The following ABCB1 variants were observed in gnomAD, a reference collection of about 807,000 sequenced individuals.
ABCB1 encodes ATP-dependent translocase ABCB1.
A neutral mutation model predicts 142.0 loss-of-function variants in ABCB1; 69 were observed. The ratio of observed to expected loss-of-function variants is 0.49; its 90% CI spans 0.40 to 0.59. The LOEUF (loss-of-function observed/expected upper bound fraction) is 0.59. Among genes scored for constraint, ABCB1 ranks in the 20% least tolerant of loss-of-function variants. ABCB1 has a pLI of 0.00. For synonymous variants in ABCB1, 532 were observed against 539.2 expected (o/e 0.99, Z 0.18); for missense variants, 1,326 against 1,554.7 (o/e 0.85, Z 2.47).
rs1202446124 is a variant in ABCB1 at position 87,595,803 on chromosome 7, T to G, written c.80A>C (p.Lys27Thr). 1.9e-6 allele frequency: 3 copies of G among 1,610,908 alleles called. No homozygotes were observed. The South Asian group carries it at 3.3e-5, about 18-fold the overall frequency. ...ACTGACAGTTGGTTTCTTTTCCTTC[T>G]TATCTTTTTCACTGCAAAACAGCAA... ...FKLNNKSEKDKKEKKPTVSVF... is the reference protein window; with the variant it reads ...FKLNNKSEKDTKEKKPTVSVF... Residue 27 changes from lysine to threonine, a missense_variant, in exon 3 of 28, where the codon AAG (lysine) becomes ACG (threonine). By Grantham distance (78) the Lys-to-Thr change is moderately conservative (BLOSUM62 -1). Coordinates refer to ENST00000622132, the MANE Select transcript of ABCB1 (RefSeq NM_001348946.2).
intron 1 of ABCB1, among the ~76,000 whole-genome samples, chr7:87,709,818 T>C (rs1829907782): frequency 6.6e-6 from 1 of 152,192 alleles, no homozygotes; most frequent in Admixed American, 6.5e-5. Context: ...TGAGTGAAAA[T>C]GAAAATAATT....
intron 3 of ABCB1, among the ~76,000 whole-genome samples, chr7:87,593,689 C>T (rs1446184725): frequency 6.6e-6 from 1 of 152,200 alleles, no homozygotes; most frequent in Non-Finnish European, 1.5e-5. Context: ...TAGGTGCCTA[C>T]ATGATCAGTT....
intron 4 of ABCB1, among the ~76,000 whole-genome samples, chr7:87,582,363 T>A (rs903013765): frequency 5.3e-5 from 8 of 152,194 alleles, no homozygotes; most frequent in African/African-American, 1.9e-4. Context: ...TTCTCTCTTT[T>A]TCCAATGCAT....
At chr7:87,706,780 G>A (rs1829631975) in intron 1 of ABCB1, among the ~76,000 whole-genome samples, 1 of 152,190 alleles carries the variant, frequency 6.6e-6, no homozygotes, top group African/African-American at 2.4e-5. Flanking sequence ...AGACAAATGT[G>A]CCTGGAGTTG....
At chr7:87,563,514 G>A (rs2129792376) in intron 7 of ABCB1, 1 of 288,082 alleles carries the variant, frequency 3.5e-6, no homozygotes, top group Admixed American at 4.0e-5. Flanking sequence ...CTCAACAGAT[G>A]TAAATCAATA....
At position 87,637,145 on chromosome 7, in the gene ABCB1, T is replaced by A. The variant is rs187448165; in HGVS notation, c.-330-36067A>T. Among the ~76,000 whole-genome samples the A allele has an allele frequency of 2.6e-5, 4 of 152,272 alleles. No individual in the cohort carries two copies. In the East Asian group the frequency reaches 7.7e-4, roughly 29 times the overall value. On this transcript the variant is annotated intron_variant, in intron 1 of 28. Transcript: ENST00000265724. ...TATGTGGGGATTATGGGAACTACAA[T>A]TCAAGATGAGATTTGGGTGGGGACA...
intron 1 of ABCB1, among the ~76,000 whole-genome samples, chr7:87,702,233 G>A (rs1585145048): frequency 7.0e-6 from 1 of 142,050 alleles, no homozygotes; most frequent in East Asian, 2.0e-4. Context: ...ATAAAAATGT[G>A]TTATTTATGT....
intron 1 of ABCB1, among the ~76,000 whole-genome samples, chr7:87,607,032 A>C (rs925233066): frequency 6.6e-6 from 1 of 152,148 alleles, no homozygotes; most frequent in Non-Finnish European, 1.5e-5. Context: ...TGAAAATCTT[A>C]CCCATGTTTC....
Position 87,626,287 on chromosome 7 carries a change from CATATATGTGTCAT to C in ABCB1, c.-330-25222_-330-25210del, listed in dbSNP as rs1237590967. 9.4e-4 allele frequency among the ~76,000 whole-genome samples: 53 copies of C among 56,282 alleles called. 5 individuals carry two copies. The highest frequency in any genetic ancestry group is 1.9e-3 in the Admixed American group (8 of 4,214). The allele number at this position is 56,282 out of a possible 152,430, so 36.9% of individuals were successfully genotyped here. ...TCATATATGTGTCATATATATGTGT[CATATATGTGTCAT>C]ATATATGTGTCGTATATGTGTCATA... On this transcript the variant is annotated intron_variant, in intron 1 of 28. Transcript: ENST00000265724.
intron 8 of ABCB1, among the ~76,000 whole-genome samples, chr7:87,556,589 A>C (rs1020892095): frequency 1.3e-5 from 2 of 152,052 alleles, no homozygotes; most frequent in African/African-American, 4.8e-5. Context: ...TTATATCCCA[A>C]ATCTAGGTAC....
chr7:87,661,269 A>G (rs1203223830), intron 1 of ABCB1, among the ~76,000 whole-genome samples: 3 of 151,886 alleles, frequency 2.0e-5, no homozygotes, highest in Non-Finnish European at 2.9e-5. Context: ...AAACAATTCA[A>G]TTATACTCTT....
At chr7:87,711,061 T>C (rs1355118867) in intron 1 of ABCB1, among the ~76,000 whole-genome samples, 1 of 152,060 alleles carries the variant, frequency 6.6e-6, no homozygotes. Flanking sequence ...GCACGGTGGC[T>C]CACACCTATA....
intron 22 of ABCB1, 140 bp from the exon 23 acceptor site, chr7:87,519,606 C>T (rs1815403279): frequency 2.2e-6 from 2 of 912,476 alleles, no homozygotes; most frequent in African/African-American, 1.7e-5. Flanking sequence ...GTTTGGTCCT[C>T]ACTTTACACT....
At chr7:87,693,923 G>A (rs778682767) in intron 1 of ABCB1, 1 of 1,609,368 alleles carries the variant, frequency 6.2e-7, no homozygotes, top group East Asian at 2.2e-5. Flanking sequence ...TCCCAAAGTT[G>A]CAGATGGCTG....
At chr7:87,622,495 GA>G (rs920714568) in intron 1 of ABCB1, among the ~76,000 whole-genome samples, 9 of 152,096 alleles carry the variant, frequency 5.9e-5, no homozygotes, top group African/African-American at 9.7e-5. Flanking sequence ...ACATCTCTAG[GA>G]AAAAATTTAA....
rs1172728015 is a variant in ABCB1 at position 87,553,978 on chromosome 7, A to G, written c.828-46T>C. 5.2e-6 allele frequency: 8 copies of G among 1,536,410 alleles called. No homozygotes were observed. The African/African-American group carries it at 1.1e-4, about 21-fold the overall frequency. On this transcript the variant is annotated intron_variant, in intron 8 of 27. Transcript: ENST00000622132. ...GATCACATATACATTTTATGAAAAC[A>G]TGTCGATATAGCATGATAGTTACAG...
At chr7:87,506,167 G>A (rs1352069409) in intron 26 of ABCB1, 124 bp from the exon 27 acceptor site, 4 of 949,008 alleles carry the variant, frequency 4.2e-6, no homozygotes, top group Non-Finnish European at 4.8e-6. Context: ...GCTAAGAATG[G>A]TTCATGAATA....
intron 21 of ABCB1, chr7:87,522,555 C>A: frequency 2.2e-6 from 1 of 457,256 alleles, no homozygotes; most frequent in South Asian, 1.6e-5. Context: ...ATGTTTTAGA[C>A]AAATACTCAT....
chr7:87,682,387 A>T (rs983490421), intron 1 of ABCB1, among the ~76,000 whole-genome samples: 10 of 152,184 alleles, frequency 6.6e-5, no homozygotes, highest in African/African-American at 2.4e-4. Context: ...GAAGATTTTC[A>T]ATTTACTTTG....
Sources: gnomAD v4.1 joint callset for allele counts (sites outside exome capture counted in the v4.1 genomes callset) on GRCh38, gnomAD v4.1.1 for gene constraint, MANE v1.5 for transcripts, NCBI Gene and HGNC (gene_info 2026-07-23, HGNC 2026-07-21) for gene names.